The following WWC1 variants were observed in gnomAD, a reference collection of about 807,000 sequenced individuals.
WWC1 encodes the protein WW and C2 domain containing 1.
Under a neutral mutation model 138.4 loss-of-function variants are expected in WWC1, and 55 were observed. That is an observed-to-expected ratio of 0.40 (90% CI 0.32 to 0.50). WWC1 has a LOEUF of 0.50. Among genes scored for constraint, WWC1 ranks in the 20% least tolerant of loss-of-function variants. The pLI is 0.72. For missense variants in WWC1, 1,226 were observed against 1,420.4 expected, an observed-to-expected ratio of 0.86 and a Z score of 2.20; for synonymous variants, 524 against 564.9, an observed-to-expected ratio of 0.93 and a Z score of 1.03.
rs371655967 is a variant in WWC1 at position 168,470,833 on chromosome 5, T to C, written c.*1816T>C. The C allele has an allele frequency of 6.6e-6, 1 of 151,890 alleles. No homozygotes were observed. Among genetic ancestry groups the C allele is most frequent in the African/African-American group, 2.4e-5 (1 of 41,334 alleles). 9.4% of individuals were successfully genotyped at this position (151,890 alleles called of 1,614,324 possible). On this transcript the variant is annotated 3_prime_UTR_variant, in exon 23 of 23. Coordinates refer to ENST00000265293, the MANE Select transcript of WWC1 (RefSeq NM_015238.3). Reference sequence around the variant, plus strand: ...GCGTAACTCCATCTCAAAAAAATAATAATAATAAAAATAAAATGCAGACTG... The same window carrying C: ...GCGTAACTCCATCTCAAAAAAATAACAATAATAAAAATAAAATGCAGACTG...
rs12109726 is a variant in WWC1 at position 168,445,044 on chromosome 5, G to A, written c.2525+459G>A. ...ACTTAAGAAGAAGAGGGCCAGGCAC[G>A]GTGGCTCATGCCTGTAGTCCCAGCA... On this transcript the variant is annotated intron_variant, in intron 17 of 22. Transcript: ENST00000265293. 2.3e-3 allele frequency among the ~76,000 whole-genome samples: 353 copies of A among 152,230 alleles called. 3 individuals are homozygous for A. Among genetic ancestry groups the A allele is most frequent in the African/African-American group, 8.1e-3 (335 of 41,550 alleles).
At chr5:168,390,221 G>A (rs2152823476) in intron 3 of WWC1, among the ~76,000 whole-genome samples, 1 of 152,260 alleles carries the variant, frequency 6.6e-6, no homozygotes. Flanking sequence ...GTTAACAAAT[G>A]TAAAGTCCTT....
chr5:168,379,456 A>G (rs1777455770), intron 2 of WWC1, among the ~76,000 whole-genome samples: 1 of 152,018 alleles, frequency 6.6e-6, no homozygotes, highest in Non-Finnish European at 1.5e-5. Flanking sequence ...CTGGAGTGCA[A>G]TGGCGCGATC....
At chr5:168,463,664 A>G (rs2152894141) in intron 20 of WWC1, among the ~76,000 whole-genome samples, 1 of 152,372 alleles carries the variant, frequency 6.6e-6, no homozygotes, top group Non-Finnish European at 1.5e-5. Context: ...TGTATTAATC[A>G]GGGTCTTTTA....
At chr5:168,374,661 A>G (rs948004940) in intron 2 of WWC1, among the ~76,000 whole-genome samples, 1 of 152,182 alleles carries the variant, frequency 6.6e-6, no homozygotes, top group African/African-American at 2.4e-5. Flanking sequence ...GATGGGAGTG[A>G]GCCATTGGAG....
At chr5:168,430,340 T>C in intron 14 of WWC1, 117 bp downstream of exon 14, 2 of 742,466 alleles carry the variant, frequency 2.7e-6, no homozygotes, top group South Asian at 3.5e-5. Context: ...CACTGTGGGT[T>C]TGTACTGCAT....
At chr5:168,309,333 G>GCC (rs1561591383) in intron 1 of WWC1, among the ~76,000 whole-genome samples, 3 of 152,144 alleles carry the variant, frequency 2.0e-5, no homozygotes, top group African/African-American at 7.2e-5. Context: ...ATCGAAAATT[G>GCC]AATCCAGTCC....
At chr5:168,313,320 A>G (rs1399000020) in intron 1 of WWC1, among the ~76,000 whole-genome samples, 2 of 151,634 alleles carry the variant, frequency 1.3e-5, no homozygotes, top group East Asian at 3.9e-4. Context: ...AGCCGGGCAC[A>G]GTGCTCATGC....
chr5:168,292,213 A>T lies in WWC1; in HGVS notation c.61A>T (p.Lys21Ter). 6.3e-7 allele frequency: 1 copy of T among 1,575,994 alleles called. No homozygotes were observed. Among genetic ancestry groups the T allele is most frequent in the Non-Finnish European group, 8.6e-7 (1 of 1,161,418 alleles). ...GGAGGAGGCGCGCGACTTCGACGGC[A>T]AGGTCTACTACATAGACCACACGAA... ...GWEEARDFDG[K>*]VYYIDHTNRT... The change falls in exon 1 of 23, where the codon AAG (lysine) becomes TAG (stop). Residue 21 changes from lysine (K) to a stop codon, truncating the protein, a stop_gained. Transcript: ENST00000265293. LOFTEE classifies it high-confidence loss of function. This position sits in a 1 kb window ranked among gnomAD's most constrained non-coding sequence, Gnocchi z 4.4.
intron 1 of WWC1, among the ~76,000 whole-genome samples, chr5:168,353,252 C>A (rs1422230552): frequency 1.3e-5 from 2 of 152,202 alleles, no homozygotes; most frequent in African/African-American, 4.8e-5. Flanking sequence ...AAGGCCATGA[C>A]TGACCTTCCC....
chr5:168,422,137 G>T, intron 10 of WWC1, 40 bp downstream of exon 10: 1 of 1,593,202 alleles, frequency 6.3e-7, no homozygotes, highest in South Asian at 1.1e-5. Flanking sequence ...CCCTGGGCAT[G>T]GCCAGACATG....
chr5:168,397,709 C>G lies in WWC1; in HGVS notation c.434-15C>G. On this transcript the variant is annotated splice_polypyrimidine_tract_variant and intron_variant, in intron 3 of 22. Coordinates refer to ENST00000265293, the MANE Select transcript of WWC1 (RefSeq NM_015238.3). ...TTCTTCTACTGATATTCTTGTTTTT[C>G]TTTTTTCCTTACAGTGGTCTCTGGT... The G allele has an allele frequency of 6.2e-7, 1 of 1,613,578 alleles. No homozygotes were observed. Among genetic ancestry groups the G allele is most frequent in the South Asian group, 1.1e-5 (1 of 91,064 alleles).
intron 1 of WWC1, among the ~76,000 whole-genome samples, chr5:168,340,055 T>TTCTTG (rs1773917912): frequency 6.6e-6 from 1 of 151,308 alleles, no homozygotes; most frequent in African/African-American, 2.4e-5. Flanking sequence ...CTTTCTTTCT[T>TTCTTG]TCTTTTCTTT....
intron 15 of WWC1, 51 bp downstream of exon 15, chr5:168,431,495 TG>T: frequency 1.3e-6 from 2 of 1,533,040 alleles, no homozygotes; most frequent in South Asian, 2.4e-5. Flanking sequence ...GCTGGCTGGC[TG>T]GCTGGCTGAC....
At chr5:168,339,806 T>TTTTTTCTTTCTTTCTTTCTTTCTTTC (rs1554093834) in intron 1 of WWC1, among the ~76,000 whole-genome samples, 2 of 142,618 alleles carry the variant, frequency 1.4e-5, no homozygotes, top group African/African-American at 5.7e-5. Context: ...TTCTTTTTGT[T>TTTTTTCTTTCTTTCTTTCTTTCTTTC]TTTCTTTCTT....
chr5:168,303,879 G>A (rs1770311058), intron 1 of WWC1, among the ~76,000 whole-genome samples: 1 of 152,082 alleles, frequency 6.6e-6, no homozygotes, highest in African/African-American at 2.4e-5. Flanking sequence ...TTGAGGAAAA[G>A]CAAATCCCTC....
At chr5:168,451,784 G>C (rs908156143) in intron 17 of WWC1, among the ~76,000 whole-genome samples, 1 of 152,134 alleles carries the variant, frequency 6.6e-6, no homozygotes, top group Admixed American at 6.6e-5. Context: ...CCCAGTAGTA[G>C]AGTGACTAAC....
intron 17 of WWC1, among the ~76,000 whole-genome samples, chr5:168,453,746 A>G (rs909313250): frequency 2.0e-5 from 3 of 152,102 alleles, no homozygotes; most frequent in East Asian, 1.9e-4. Flanking sequence ...GGGTTTCACC[A>G]TGTTGGCCAG....
intron 2 of WWC1, among the ~76,000 whole-genome samples, chr5:168,384,188 A>G (rs1582108347): frequency 6.6e-6 from 1 of 152,168 alleles, no homozygotes; most frequent in East Asian, 1.9e-4. Flanking sequence ...ACTTTGAGCA[A>G]GTTACTTAAC....
Sources: allele counts gnomAD v4.1 joint callset (sites outside exome capture counted in the v4.1 genomes callset), GRCh38; gene constraint gnomAD v4.1.1; non-coding constraint Gnocchi (gnomAD v3.1); transcripts MANE v1.5; gene names NCBI Gene and HGNC (gene_info 2026-07-23, HGNC 2026-07-21).